Variants in SPATA6 observed in about 807,000 individuals in gnomAD.
SPATA6 encodes spermatogenesis-associated protein 6.
Under a neutral mutation model 65.3 loss-of-function variants are expected in SPATA6, and 56 were observed. The ratio of observed to expected loss-of-function variants is 0.86; its 90% CI spans 0.69 to 1.07. The LOEUF is 1.07. SPATA6 is among the 50% of genes least tolerant of loss of function. SPATA6 has a pLI of 0.00. For missense variants in SPATA6, 590 were observed against 594.8 expected, an observed-to-expected ratio of 0.99 and a Z score of 0.08; for synonymous variants, 199 against 213.2, an observed-to-expected ratio of 0.93 and a Z score of 0.58.
At chr1:48,421,351 C>T (rs1653316028) in intron 3 of SPATA6, among the ~76,000 whole-genome samples, 1 of 151,186 alleles carries the variant, frequency 6.6e-6, no homozygotes, top group Non-Finnish European at 1.5e-5. Context: ...TAAAATAAAA[C>T]TTGAAAAAAA....
intron 3 of SPATA6, among the ~76,000 whole-genome samples, chr1:48,428,930 T>C (rs1243779213): frequency 6.6e-6 from 1 of 151,758 alleles, no homozygotes; most frequent in Non-Finnish European, 1.5e-5. Flanking sequence ...AATAGATCTA[T>C]TTGATGTAAC....
chr1:48,363,427 C>T (rs1646879968), intron 9 of SPATA6, among the ~76,000 whole-genome samples: 1 of 152,216 alleles, frequency 6.6e-6, no homozygotes, highest in Admixed American at 6.5e-5. Context: ...AGACCCTGAG[C>T]AAGTCATTTA....
At chr1:48,263,383 C>T in the SPATA6 span, among the ~76,000 whole-genome samples, 1 of 152,080 alleles carries the variant, frequency 6.6e-6, no homozygotes, top group East Asian at 1.9e-4. Context: ...AAATAGCTTT[C>T]CTTACAAGGT....
chr1:48,442,690 G>A (rs1193239422), intron 3 of SPATA6, among the ~76,000 whole-genome samples: 2 of 74,976 alleles, frequency 2.7e-5, no homozygotes, highest in Non-Finnish European at 4.9e-5. Context: ...AGAAAGACAA[G>A]TCAAAGAGAA....
At chr1:48,419,744 CATCTT>C (rs1329894465) in intron 3 of SPATA6, among the ~76,000 whole-genome samples, 1 of 152,122 alleles carries the variant, frequency 6.6e-6, no homozygotes, top group Non-Finnish European at 1.5e-5. Context: ...ATCATCTCTT[CATCTT>C]AAGAATACTA....
chr1:48,450,675 A>C (rs12077675), intron 3 of SPATA6, among the ~76,000 whole-genome samples: 46 of 152,320 alleles, frequency 3.0e-4, no homozygotes, highest in African/African-American at 9.6e-4. Context: ...CATTGGCCAT[A>C]AAGAGTTATT....
chr1:48,370,900 A>G (rs1301838701), intron 9 of SPATA6, among the ~76,000 whole-genome samples: 1 of 152,210 alleles, frequency 6.6e-6, no homozygotes, highest in Non-Finnish European at 1.5e-5. Context: ...TTTACCAATA[A>G]TCCAATATAC....
chr1:48,276,979 C>T, the SPATA6 span, among the ~76,000 whole-genome samples: 1 of 151,598 alleles, frequency 6.6e-6, no homozygotes, highest in Non-Finnish European at 1.5e-5. Context: ...TTGTAGGTCT[C>T]TAAGAACTTC....
intron 3 of SPATA6, among the ~76,000 whole-genome samples, chr1:48,429,474 G>A (rs961148039): frequency 6.6e-6 from 1 of 152,020 alleles, no homozygotes; most frequent in South Asian, 2.1e-4. Flanking sequence ...TGAAAAAATC[G>A]AAAACAATAA....
At chr1:48,448,114 T>C (rs1255099669) in intron 3 of SPATA6, 1 of 151,714 alleles carries the variant, frequency 6.6e-6, no homozygotes, top group African/African-American at 2.4e-5. Flanking sequence ...TAAAAAAAAT[T>C]AGCTGGCATG....
At chr1:48,372,192 G>C (rs1647353751) in intron 9 of SPATA6, among the ~76,000 whole-genome samples, 1 of 152,124 alleles carries the variant, frequency 6.6e-6, no homozygotes, top group Non-Finnish European at 1.5e-5. Context: ...CTGAGACAAG[G>C]CAAGTCCCTT....
At chr1:48,374,263 A>C (rs1284532487) in intron 9 of SPATA6, among the ~76,000 whole-genome samples, 1 of 152,180 alleles carries the variant, frequency 6.6e-6, no homozygotes, top group Admixed American at 6.5e-5. Flanking sequence ...TCATGCAAAA[A>C]TCAATTCCAA....
chr1:48,277,412 T>C, the SPATA6 span, among the ~76,000 whole-genome samples: 1 of 152,116 alleles, frequency 6.6e-6, no homozygotes, highest in East Asian at 1.9e-4. Context: ...GGTCAGGGAG[T>C]TCCCTTTCCT....
intron 3 of SPATA6, among the ~76,000 whole-genome samples, chr1:48,417,503 C>T (rs1652885241): frequency 6.6e-6 from 1 of 152,058 alleles, no homozygotes; most frequent in African/African-American, 2.4e-5. Flanking sequence ...AATTCAAACA[C>T]AAGACTATTT....
chr1:48,355,524 G>C (rs932393445), intron 11 of SPATA6, 146 bp downstream of exon 11: 3 of 573,146 alleles, frequency 5.2e-6, no homozygotes, highest in Non-Finnish European at 9.3e-6. Context: ...ATGTTGCCTT[G>C]GGCAAAACCA....
At chr1:48,445,851 G>A (rs1656000928) in intron 3 of SPATA6, among the ~76,000 whole-genome samples, 1 of 152,036 alleles carries the variant, frequency 6.6e-6, no homozygotes. Flanking sequence ...TGGTGGGGAA[G>A]ATGTGAGGCC....
chr1:48,448,086 C>A (rs1277648686), intron 3 of SPATA6: 1 of 151,648 alleles, frequency 6.6e-6, no homozygotes, highest in Non-Finnish European at 1.5e-5. Flanking sequence ...ATGGTAAAAC[C>A]CCATCTCTAC....
intron 12 of SPATA6, among the ~76,000 whole-genome samples, chr1:48,303,680 G>A (rs1010941813): frequency 3.9e-5 from 6 of 152,106 alleles, no homozygotes; most frequent in Admixed American, 3.9e-4. Flanking sequence ...CACTTAGGTT[G>A]ATTTCATAGT....
At chr1:48,370,465 T>C (rs1363589350) in intron 9 of SPATA6, among the ~76,000 whole-genome samples, 1 of 152,246 alleles carries the variant, frequency 6.6e-6, no homozygotes, top group East Asian at 1.9e-4. Flanking sequence ...AAGTAAAAGA[T>C]CAATTCCTAT....
Sources: allele counts gnomAD v4.1 joint callset (sites outside exome capture counted in the v4.1 genomes callset), GRCh38; gene constraint gnomAD v4.1.1; transcripts MANE v1.5; gene names NCBI Gene and HGNC (gene_info 2026-07-23, HGNC 2026-07-21).